Variants in BRF1 observed in about 807,000 individuals in gnomAD.
BRF1 encodes the protein transcription factor IIIB 90 kDa subunit.
BRF1 carries 59 observed loss-of-function variants against 81.7 expected under a neutral mutation model. The ratio of observed to expected loss-of-function variants is 0.72; its 90% CI spans 0.59 to 0.90. The LOEUF (loss-of-function observed/expected upper bound fraction) is 0.90. Among genes scored for constraint, BRF1 ranks in the 40% least tolerant of loss-of-function variants. The probability of loss-of-function intolerance (pLI) is 0.00; values close to 1 mark genes in which losing one functional copy is unlikely to be tolerated. For synonymous variants in BRF1, 491 were observed against 395.6 expected, an observed-to-expected ratio of 1.24 and a Z score of -2.86; for missense variants, 1,050 against 936.3, an observed-to-expected ratio of 1.12 and a Z score of -1.58.
At chr14:105,219,754 T>C (rs1891949115) in intron 12 of BRF1, 7 of 488,990 alleles carry the variant, frequency 1.4e-5, no homozygotes, top group Non-Finnish European at 2.6e-5. Flanking sequence ...CCCTCTTGTG[T>C]CTAGAGACCC....
At chr14:105,265,058 T>C (rs1356150183) in intron 3 of BRF1, among the ~76,000 whole-genome samples, 3 of 146,510 alleles carry the variant, frequency 2.0e-5, no homozygotes, top group Non-Finnish European at 4.5e-5. Flanking sequence ...TTTTTTGTTT[T>C]TTTTTTGTTT....
At chr14:105,223,593 T>C (rs1420792320) in intron 10 of BRF1, among the ~76,000 whole-genome samples, 1 of 152,216 alleles carries the variant, frequency 6.6e-6, no homozygotes, top group African/African-American at 2.4e-5. Context: ...TTCTACAGAA[T>C]ACAACTAATT....
rs1049040285 is a variant in BRF1, at chr14:105,210,619, G to A, written c.1997-31C>T. On this transcript the variant is annotated intron_variant, in intron 17 of 17. Transcript: ENST00000547530. The surrounding 1 kb of genome is among the most constrained non-coding windows in gnomAD (Gnocchi z 4.7). Reference sequence around the variant, plus strand: ...GAAGAGCACAGTCATGAAGCCCAGGGTCTCTGTGGGACCCAGGAGCCCAGA... The same window carrying A: ...GAAGAGCACAGTCATGAAGCCCAGGATCTCTGTGGGACCCAGGAGCCCAGA... 2.5e-6 allele frequency: 4 copies of A among 1,609,406 alleles called. No homozygotes were observed. The highest frequency in any genetic ancestry group is 3.4e-6 in the Non-Finnish European group (4 of 1,179,568).
chr14:105,267,919 G>A (rs1287615268), intron 3 of BRF1, among the ~76,000 whole-genome samples: 1 of 152,266 alleles, frequency 6.6e-6, no homozygotes, highest in African/African-American at 2.4e-5. Context: ...TGGGTCTGAA[G>A]GGAGTGTGGC....
At chr14:105,241,063 C>A (rs1007504760) in intron 6 of BRF1, among the ~76,000 whole-genome samples, 4 of 152,232 alleles carry the variant, frequency 2.6e-5, no homozygotes, top group Non-Finnish European at 5.9e-5. Context: ...TATGCCAGGA[C>A]ACGCAGAGGC....
intron 1 of BRF1, chr14:105,314,965 T>TCAACACGCC: frequency 8.3e-7 from 1 of 1,203,962 alleles, no homozygotes; most frequent in Non-Finnish European, 1.1e-6. Flanking sequence ...CCCGGCGCGC[T>TCAACACGCC]CAACACGCCC....
chr14:105,265,621 G>T (rs919423949), intron 3 of BRF1, among the ~76,000 whole-genome samples: 1 of 152,084 alleles, frequency 6.6e-6, no homozygotes, highest in African/African-American at 2.4e-5. Flanking sequence ...CATGGGCCAG[G>T]CATAGTGGCT....
At position 105,271,865 on chromosome 14, in the gene BRF1, G is replaced by A. The variant is rs946356532; in HGVS notation, c.439+856C>T. Reference sequence around the variant, plus strand: ...CTCCCCGCCCACCGCCTGCAGTCACGGTGTCCACGCACAAGGCCAAGCTGC... The same window carrying A: ...CTCCCCGCCCACCGCCTGCAGTCACAGTGTCCACGCACAAGGCCAAGCTGC... On this transcript the variant is annotated intron_variant, in intron 3 of 17. Coordinates refer to ENST00000547530, the MANE Select transcript of BRF1 (RefSeq NM_001519.4). The surrounding 1 kb of genome is among the most constrained non-coding windows in gnomAD (Gnocchi z 5.5). Among the ~76,000 whole-genome samples the A allele has an allele frequency of 1.4e-5, 2 of 147,294 alleles. No homozygotes were observed. The highest frequency in any genetic ancestry group is 3.0e-5 in the Non-Finnish European group (2 of 66,662).
At chr14:105,246,783 A>G in intron 5 of BRF1, 1 of 981,932 alleles carries the variant, frequency 1.0e-6, no homozygotes, top group Non-Finnish European at 1.2e-6. Context: ...TAAAAATCAA[A>G]GTGCAAAGGG....
chr14:105,277,787 C>T (rs930066690), intron 2 of BRF1, among the ~76,000 whole-genome samples: 2 of 152,198 alleles, frequency 1.3e-5, no homozygotes, highest in African/African-American at 4.8e-5. Context: ...TGGAGTCTCG[C>T]TCTGTCACCC....
intron 12 of BRF1, chr14:105,219,771 G>A (rs1891955801): frequency 1.2e-5 from 6 of 518,582 alleles, no homozygotes; most frequent in Non-Finnish European, 2.1e-5. Flanking sequence ...ACCCCTCGAG[G>A]GGCTGCCCCT....
Position 105,300,493 on chromosome 14 carries a change from C to T in BRF1, c.137G>A (p.Ser46Asn). 1 of 1,536,716 alleles carries T rather than the reference C, an allele frequency of 6.5e-7. No individual in the cohort carries two copies. The highest frequency in any genetic ancestry group is 8.7e-7 in the Non-Finnish European group (1 of 1,144,444). ...IIVSEVQFVESSGGGSSAVGQ... is the reference protein window; with the variant it reads ...IIVSEVQFVENSGGGSSAVGQ... The stretch of plus-strand genomic sequence containing the variant: ...CACGGCCGAGGAGCCGCCGCCGCTG[C>T]TCTCCACGAACTGCACCTCGGACAC... The change falls in exon 1 of 18, where the codon AGC (serine) becomes AAC (asparagine). Residue 46 changes from serine to asparagine, a missense_variant. This residue lies in a region of BRF1 where 1,043 missense variants were observed against 915.4 expected (regional missense o/e 1.14). Transcript: ENST00000547530.
chr14:105,221,717 G>A lies in BRF1; in HGVS notation c.1246C>T (p.Pro416Ser), dbSNP rs138505320. Reference protein sequence around the residue: ...PALGSLLDPLPTAASLGISDS... With the variant: ...PALGSLLDPLSTAASLGISDS... ...GAGATGCCCAGGCTGGCTGCAGTGG[G>A]GAGGGGGTCCAGCAGGGACCCCAGG... Residue 416 changes from proline to serine, a missense_variant, in exon 11 of 18, where the codon CCC (proline) becomes TCC (serine). This residue lies in a region of BRF1 where 1,043 missense variants were observed against 915.4 expected (regional missense o/e 1.14). Transcript: ENST00000547530. 1.0e-4 allele frequency: 161 copies of A among 1,611,276 alleles called. No individual in the cohort carries two copies. The highest frequency in any genetic ancestry group is 1.3e-4 in the Non-Finnish European group (153 of 1,179,812).
chr14:105,301,840 T>C (rs1279886976), upstream of BRF1, among the ~76,000 whole-genome samples: 1 of 152,138 alleles, frequency 6.6e-6, no homozygotes, highest in Non-Finnish European at 1.5e-5. Flanking sequence ...GGAATGAGCC[T>C]AAAAAGAAAT....
rs1035077075 is a variant in BRF1, at chr14:105,300,436, C to A, written c.184+10G>T. 7.2e-6 allele frequency: 11 copies of A among 1,517,266 alleles called. No individual in the cohort carries two copies. The Middle Eastern group carries it at 6.4e-4, about 88-fold the overall frequency. The allele number at this position is 1,517,266 out of a possible 1,614,324, so 94.0% of individuals were successfully genotyped here. On this transcript the variant is annotated intron_variant, in intron 1 of 17. Transcript: ENST00000547530. ...GAGAAATCCGCGCAGCGCCAGCCCG[C>A]GGGACTCACCGTCCAGGGACACGAA...
intron 16 of BRF1, 68 bp from the exon 17 acceptor site, chr14:105,211,361 A>T: frequency 7.2e-7 from 1 of 1,389,632 alleles, no homozygotes; most frequent in Non-Finnish European, 9.5e-7. Flanking sequence ...GACCCCTCAG[A>T]CCCACCAGGG....
At chr14:105,228,743 CT>C (rs890302797) in intron 7 of BRF1, 76 bp downstream of exon 7, 2 of 1,544,970 alleles carry the variant, frequency 1.3e-6, no homozygotes, top group African/African-American at 2.7e-5. Flanking sequence ...GAGGTGGCGC[CT>C]GCTCTGGCAA....
chr14:105,268,483 G>A (rs1165021773), intron 3 of BRF1, among the ~76,000 whole-genome samples: 20 of 152,284 alleles, frequency 1.3e-4, no homozygotes. Flanking sequence ...GGGGCCAAGA[G>A]AGGAGGTGTG....
intron 7 of BRF1, among the ~76,000 whole-genome samples, chr14:105,228,452 G>C (rs1454555629): frequency 6.6e-6 from 1 of 151,822 alleles, no homozygotes; most frequent in Non-Finnish European, 1.5e-5. Flanking sequence ...GCTGAGGCAG[G>C]AGAATCTCTT....
Sources: allele counts gnomAD v4.1 joint callset (sites outside exome capture counted in the v4.1 genomes callset), GRCh38; gene constraint gnomAD v4.1.1; regional missense constraint gnomAD v4.1.1; non-coding constraint Gnocchi (gnomAD v3.1); transcripts MANE v1.5; gene names NCBI Gene and HGNC (gene_info 2026-07-23, HGNC 2026-07-21).